Variants in CD163L1 observed in about 807,000 individuals in gnomAD.
CD163L1 encodes the protein scavenger receptor cysteine-rich type 1 protein M160.
CD163L1 carries 124 observed loss-of-function variants against 165.4 expected under a neutral mutation model. The ratio of observed to expected loss-of-function variants is 0.75; its 90% confidence interval spans 0.65 to 0.87. CD163L1 has a LOEUF of 0.87. CD163L1 is among the 40% of genes least tolerant of loss of function. The pLI is 0.00. For synonymous variants in CD163L1, 585 were observed against 662.2 expected, an observed-to-expected ratio of 0.88 and a Z score of 1.79; for missense variants, 1,525 against 1,799.9, an observed-to-expected ratio of 0.85 and a Z score of 2.76.
chr12:7,325,951 C>G, the CD163L1 span, among the ~76,000 whole-genome samples: 1 of 152,170 alleles, frequency 6.6e-6, no homozygotes, highest in Non-Finnish European at 1.5e-5. Flanking sequence ...TACTCTCCAT[C>G]TATTCCATTC....
rs1231583831 is a variant in CD163L1 at position 7,398,693 on chromosome 12, A to G, written c.1409-109T>C. The G allele has an allele frequency of 2.4e-6, 2 of 846,934 alleles. No individual in the cohort carries two copies. Among genetic ancestry groups the G allele is most frequent in the African/African-American group, 3.4e-5 (2 of 58,398 alleles). The allele number at this position is 846,934 out of a possible 1,614,324, so 52.5% of individuals were successfully genotyped here. A position where few individuals can be genotyped will look rare whatever the true frequency, so the allele number is the denominator to read the frequency against. On this transcript the variant is annotated intron_variant, in intron 6 of 19. Coordinates refer to ENST00000313599, the MANE Select transcript of CD163L1 (RefSeq NM_174941.6). The surrounding 1 kb of genome is among the most constrained non-coding windows in gnomAD (Gnocchi z 4.5). ...TATAAGGCTTTGCCTAACAGGTGAT[A>G]TATTAGGCACACTTTTGAATGAAAA...
Position 7,396,288 on chromosome 12 carries a change from C to A in CD163L1, c.1857G>T (p.Val619=). ...ATGGGCAGTCCAGCTGGCTACACAC[C>A]ACAGCTGCAGCTTTACTGTTCCAGC... The part of the protein sequence containing the change: ...DDGWNSKAAA[V]VCSQLDCPSS... Residue 619 remains valine, a synonymous_variant, in exon 8 of 20, where the codon GTG becomes GTT. Transcript: ENST00000313599. 2 of 1,614,160 alleles carry A rather than the reference C, an allele frequency of 1.2e-6. No homozygotes were observed. The highest frequency in any genetic ancestry group is 1.7e-6 in the Non-Finnish European group (2 of 1,180,026).
downstream of CD163L1, among the ~76,000 whole-genome samples, chr12:7,353,126 G>A (rs1299328703): frequency 6.6e-6 from 1 of 151,876 alleles, no homozygotes; most frequent in African/African-American, 2.4e-5. Context: ...AATAAAATCT[G>A]TAAAAAGAAA....
At chr12:7,338,689 G>A in the CD163L1 span, among the ~76,000 whole-genome samples, 1 of 152,290 alleles carries the variant, frequency 6.6e-6, no homozygotes, top group East Asian at 1.9e-4. Flanking sequence ...CAATAGACCT[G>A]TGGTGGAAGG....
intron 9 of CD163L1, among the ~76,000 whole-genome samples, chr12:7,376,803 G>C (rs1211545562): frequency 6.6e-6 from 1 of 152,052 alleles, no homozygotes; most frequent in Non-Finnish European, 1.5e-5. Context: ...CTAGCGCCTT[G>C]ATTGAGCCAC....
the CD163L1 span, chr12:7,323,549 T>G: frequency 4.2e-4 from 685 of 1,612,972 alleles, 2 homozygotes; most frequent in East Asian, 0.011. Flanking sequence ...CTGTTTCTTC[T>G]CTAAATATGT....
intron 2 of CD163L1, 67 bp downstream of exon 2, chr12:7,441,087 G>A: frequency 1.9e-6 from 2 of 1,064,132 alleles, no homozygotes; most frequent in Non-Finnish European, 2.9e-6. Context: ...TGCACTTAGG[G>A]TAGTGAGTAG....
At chr12:7,350,842 C>T (rs1316683597), downstream of CD163L1, among the ~76,000 whole-genome samples, 1 of 152,064 alleles carries the variant, frequency 6.6e-6, no homozygotes, top group East Asian at 1.9e-4. Context: ...AGCATTTACT[C>T]CATTCCCTTT....
rs983295303 is a variant in CD163L1, at chr12:7,403,185, G to A, written c.1408+350C>T. Among the ~76,000 whole-genome samples the A allele has an allele frequency of 4.8e-5, 6 of 125,564 alleles. 1 individual carries two copies. Among genetic ancestry groups the A allele is most frequent in the Non-Finnish European group, 9.2e-5 (6 of 65,304 alleles). The allele number at this position is 125,564 out of a possible 152,430, so 82.4% of individuals were successfully genotyped here. A position where few individuals can be genotyped will look rare whatever the true frequency, so the allele number is the denominator to read the frequency against. On this transcript the variant is annotated intron_variant, in intron 6 of 19. Transcript: ENST00000313599. ...TAATTTATAATCAGAAATAAACAAT[G>A]TATATTATTAAATAAAAAAAGTTAA...
chr12:7,335,892 A>G, the CD163L1 span, among the ~76,000 whole-genome samples: 4 of 151,218 alleles, frequency 2.6e-5, no homozygotes, highest in African/African-American at 9.7e-5. Flanking sequence ...ATGCAGCCAA[A>G]AAACACATGA....
At chr12:7,328,912 T>C in the CD163L1 span, among the ~76,000 whole-genome samples, 1 of 149,346 alleles carries the variant, frequency 6.7e-6, no homozygotes, top group African/African-American at 2.4e-5. Flanking sequence ...TATATGTATA[T>C]ATATCTGTAT....
rs1382030435 is a variant in CD163L1 at position 7,421,408 on chromosome 12, CA to C, written c.766+11007del. Among the ~76,000 whole-genome samples the C allele has an allele frequency of 5.8e-5, 3 of 51,380 alleles. 1 individual carries two copies. The highest frequency in any genetic ancestry group is 1.9e-4 in the African/African-American group (2 of 10,428). 33.7% of individuals were successfully genotyped at this position (51,380 alleles called of 152,430 possible). ...AAGATATATATGTATATATATCTTC[CA>C]AATGTATATATACATATATGTACAT... On this transcript the variant is annotated intron_variant, in intron 4 of 19. Coordinates refer to ENST00000313599, the MANE Select transcript of CD163L1 (RefSeq NM_174941.6).
At position 7,373,501 on chromosome 12, in the gene CD163L1, C is replaced by T. The variant is rs770351398; in HGVS notation, c.3549G>A (p.Gln1183=). Residue 1183 remains glutamine, a synonymous_variant, in exon 14 of 20, where the codon CAG becomes CAA. Transcript: ENST00000313599. ...CAACTCCATTCTCCCCACAGCCCAGCTGCCTGCACACAATGCCTGCTATGG... is the reference window on the plus strand; with the variant it reads ...CAACTCCATTCTCCCCACAGCCCAGTTGCCTGCACACAATGCCTGCTATGG... ...TTAIAGIVCR[Q]LGCGENGVVS... is the part of the protein sequence containing the mutation. The T allele has an allele frequency of 1.2e-6, 2 of 1,614,224 alleles. No homozygotes were observed. The highest frequency in any genetic ancestry group is 1.7e-6 in the Non-Finnish European group (2 of 1,180,026).
At chr12:7,389,946 T>TTATATATATATATTTATATA (rs1474035638) in intron 8 of CD163L1, among the ~76,000 whole-genome samples, 1 of 126,836 alleles carries the variant, frequency 7.9e-6, no homozygotes, top group Non-Finnish European at 1.6e-5. Context: ...ATTAAACATT[T>TTATATATATATATTTATATA]TATATATATA....
rs749076099 is a variant in CD163L1, at chr12:7,398,472, T to C, written c.1521A>G (p.Thr507=). Residue 507 remains threonine (T), a synonymous_variant, in exon 7 of 20, where the codon ACA becomes ACG. Transcript: ENST00000313599. The surrounding 1 kb of genome is among the most constrained non-coding windows in gnomAD (Gnocchi z 4.5). ...WGTVCHDRWS[T]RNAAVVCKQL... ...GTTTACAAACAACAGCTGCATTCCT[T>C]GTGCTCCATCTGTCATGACACACAG... 6.2e-6 allele frequency: 10 copies of C among 1,614,064 alleles called. No homozygotes were observed. Among genetic ancestry groups the C allele is most frequent in the Non-Finnish European group, 8.5e-6 (10 of 1,179,948 alleles).
chr12:7,399,263 CTCTT>C (rs1207120069), intron 6 of CD163L1, among the ~76,000 whole-genome samples: 4 of 148,590 alleles, frequency 2.7e-5, no homozygotes, highest in African/African-American at 1.0e-4. Flanking sequence ...CTTCTTTCCT[CTCTT>C]TCTTCCTTTT....
At chr12:7,433,048 A>T (rs1948655811) in intron 3 of CD163L1, among the ~76,000 whole-genome samples, 1 of 152,148 alleles carries the variant, frequency 6.6e-6, no homozygotes, top group South Asian at 2.1e-4. Flanking sequence ...AAGGCACTTA[A>T]ATCAAAGCTA....
rs920611737 is a variant in CD163L1, at chr12:7,374,357, T to C, written c.3409+85A>G. On this transcript the variant is annotated intron_variant, in intron 13 of 19. Transcript: ENST00000313599. This position sits in a 1 kb window ranked among gnomAD's most constrained non-coding sequence, Gnocchi z 5.4. ...TGTTTGTATTCCTAGGCCATACACTTTTCACTACACTTTACAATTGTGTTG... is the reference window on the plus strand; with the variant it reads ...TGTTTGTATTCCTAGGCCATACACTCTTCACTACACTTTACAATTGTGTTG... The C allele has an allele frequency of 4.9e-6, 7 of 1,421,846 alleles. No individual in the cohort carries two copies. In the African/African-American group the frequency reaches 1.0e-4, roughly 20 times the overall value. The allele number at this position is 1,421,846 out of a possible 1,614,324, so 88.1% of individuals were successfully genotyped here.
the CD163L1 span, chr12:7,324,261 C>G: frequency 7.5e-6 from 12 of 1,610,710 alleles, no homozygotes; most frequent in African/African-American, 1.3e-4. Flanking sequence ...AAATGTCATC[C>G]TTGGTTCCCA....
Sources: gnomAD v4.1 joint callset for allele counts (sites outside exome capture counted in the v4.1 genomes callset) on GRCh38, gnomAD v4.1.1 for gene constraint, Gnocchi (gnomAD v3.1) non-coding constraint, MANE v1.5 for transcripts, NCBI Gene and HGNC (gene_info 2026-07-23, HGNC 2026-07-21) for gene names.